Variants in GMDS observed in about 807,000 individuals in gnomAD.
The protein encoded by GMDS is GDP-mannose 4,6 dehydratase.
Under a neutral mutation model 49.9 loss-of-function variants are expected in GMDS, and 20 were observed. The observed-to-expected ratio is 0.40, with a 90% CI of 0.28 to 0.58. The LOEUF (loss-of-function observed/expected upper bound fraction) is 0.58, where lower values mean the gene tolerates loss of function less well. Among genes scored for constraint, GMDS ranks in the 20% least tolerant of loss-of-function variants. The pLI, the probability that GMDS is intolerant of heterozygous loss-of-function variation, is 0.42. For missense variants in GMDS, 362 were observed against 481.4 expected, an observed-to-expected ratio of 0.75 and a Z score of 2.32; for synonymous variants, 177 against 178.6, an observed-to-expected ratio of 0.99 and a Z score of 0.07.
intron 9 of GMDS, among the ~76,000 whole-genome samples, chr6:1,637,817 TCCTTCAG>T (rs1763211518): frequency 6.6e-6 from 1 of 152,208 alleles, no homozygotes; most frequent in Non-Finnish European, 1.5e-5. Flanking sequence ...ATGCCCCCTG[TCCTTCAG>T]CCTTCTAACA....
At chr6:1,970,077 A>G (rs1764514708) in intron 4 of GMDS, among the ~76,000 whole-genome samples, 1 of 152,240 alleles carries the variant, frequency 6.6e-6, no homozygotes, top group Non-Finnish European at 1.5e-5. Context: ...AATCTCAATG[A>G]ATGAGCCAAA....
intron 7 of GMDS, among the ~76,000 whole-genome samples, chr6:1,746,728 A>T (rs545396048): frequency 6.6e-6 from 1 of 151,892 alleles, no homozygotes; most frequent in Non-Finnish European, 1.5e-5. Flanking sequence ...TTGAGACAGA[A>T]TCTTGCTCTG....
At chr6:1,905,274 G>T (rs1261573806) in intron 7 of GMDS, among the ~76,000 whole-genome samples, 1 of 152,282 alleles carries the variant, frequency 6.6e-6, no homozygotes, top group Non-Finnish European at 1.5e-5. Context: ...GGCCTCAAAG[G>T]TGCCTGTGCA....
At chr6:2,054,252 T>C (rs941393054) in intron 4 of GMDS, among the ~76,000 whole-genome samples, 2 of 152,048 alleles carry the variant, frequency 1.3e-5, no homozygotes, top group African/African-American at 4.8e-5. Flanking sequence ...CCAGAAGAAA[T>C]TTTAAAAGAC....
intron 4 of GMDS, among the ~76,000 whole-genome samples, chr6:1,993,051 C>T (rs567896989): frequency 8.5e-4 from 129 of 152,296 alleles, no homozygotes; most frequent in African/African-American, 3.0e-3. Context: ...AGTAGATCGT[C>T]CAGCTGCTTT....
chr6:1,704,680 G>A (rs879723919), intron 9 of GMDS, among the ~76,000 whole-genome samples: 3 of 152,234 alleles, frequency 2.0e-5, no homozygotes, highest in Non-Finnish European at 4.4e-5. Flanking sequence ...TACGTACGCG[G>A]TAAGTGCTCA....
intron 7 of GMDS, among the ~76,000 whole-genome samples, chr6:1,850,950 C>T (rs1366564150): frequency 6.6e-6 from 1 of 152,216 alleles, no homozygotes; most frequent in Non-Finnish European, 1.5e-5. Context: ...TAGGTATAAC[C>T]ACCACCATGC....
At position 1,836,971 on chromosome 6, in the gene GMDS, A is replaced by T. The variant is rs1360083418; in HGVS notation, c.771+93132T>A. 6.6e-6 allele frequency among the ~76,000 whole-genome samples: 1 copy of T among 152,238 alleles called. No homozygotes were observed. The highest frequency in any genetic ancestry group is 1.5e-5 in the Non-Finnish European group (1 of 68,030). Reference sequence around the variant, plus strand: ...TTTACAATAGAGAAAGTTTGGGAAAAGGCTAAAAATTCATATACAGGAAGT... The same window carrying T: ...TTTACAATAGAGAAAGTTTGGGAAATGGCTAAAAATTCATATACAGGAAGT... On this transcript the variant is annotated intron_variant, in intron 7 of 10. Coordinates refer to ENST00000380815, the MANE Select transcript of GMDS (RefSeq NM_001500.4). The surrounding 1 kb of genome is among the most constrained non-coding windows in gnomAD (Gnocchi z 4.2).
At chr6:1,863,609 G>T (rs975083404) in intron 7 of GMDS, among the ~76,000 whole-genome samples, 1 of 152,080 alleles carries the variant, frequency 6.6e-6, no homozygotes, top group African/African-American at 2.4e-5. Flanking sequence ...TAAAAATTCT[G>T]ACACGTCCCA....
intron 4 of GMDS, among the ~76,000 whole-genome samples, chr6:2,058,934 G>C (rs114178766): frequency 1.3e-5 from 2 of 152,044 alleles, no homozygotes; most frequent in Admixed American, 6.6e-5. Context: ...CCAACAATTT[G>C]GGGGGCCAAG....
intron 9 of GMDS, among the ~76,000 whole-genome samples, chr6:1,721,219 T>C (rs535224473): frequency 6.6e-6 from 1 of 152,234 alleles, no homozygotes; most frequent in South Asian, 2.1e-4. Flanking sequence ...GACAAGCATA[T>C]GGTAATTTGA....
At chr6:1,763,946 T>C (rs965852563) in intron 7 of GMDS, among the ~76,000 whole-genome samples, 2 of 152,178 alleles carry the variant, frequency 1.3e-5, no homozygotes, top group Non-Finnish European at 2.9e-5. Context: ...CCACTGGAGC[T>C]GAGGCACCCC....
intron 2 of GMDS, among the ~76,000 whole-genome samples, chr6:2,123,514 T>C (rs1775255200): frequency 6.6e-6 from 1 of 152,212 alleles, no homozygotes; most frequent in Non-Finnish European, 1.5e-5. Flanking sequence ...AAACACAGTA[T>C]GGGCATCTCT....
intron 4 of GMDS, among the ~76,000 whole-genome samples, chr6:2,053,213 T>C (rs1462645144): frequency 6.6e-6 from 1 of 152,182 alleles, no homozygotes; most frequent in Admixed American, 6.5e-5. Flanking sequence ...AAATAGGCCT[T>C]ATATAAAATG....
intron 9 of GMDS, among the ~76,000 whole-genome samples, chr6:1,631,672 C>T (rs1763006951): frequency 6.6e-6 from 1 of 152,068 alleles, no homozygotes. Context: ...CCCCTTCCTC[C>T]TTCTCCCCAA....
Position 2,117,581 on chromosome 6 carries a change from T to C in GMDS, c.148-25A>G, listed in dbSNP as rs751924615. The C allele has an allele frequency of 1.2e-5, 15 of 1,259,238 alleles. No individual in the cohort carries two copies. The South Asian group carries it at 1.4e-4, about 12-fold the overall frequency. 78.0% of individuals were successfully genotyped at this position (1,259,238 alleles called of 1,614,324 possible). A position where few individuals can be genotyped will look rare whatever the true frequency, so the allele number is the denominator to read the frequency against. ...CCTGAGTTTTTACAGTGTGGAAAGA[T>C]AAATGTGCAATGAGGACTAATAAAC... On this transcript the variant is annotated intron_variant, in intron 2 of 10. Transcript: ENST00000380815.
intron 7 of GMDS, among the ~76,000 whole-genome samples, chr6:1,849,162 C>A (rs779508675): frequency 1.3e-5 from 2 of 152,164 alleles, no homozygotes; most frequent in African/African-American, 4.8e-5. Context: ...GTGATTTAGT[C>A]ACTTGTTGAT....
intron 1 of GMDS, among the ~76,000 whole-genome samples, chr6:2,211,307 T>TG (rs1780051324): frequency 1.3e-5 from 2 of 152,216 alleles, no homozygotes; most frequent in Non-Finnish European, 2.9e-5. Flanking sequence ...TCTGGGGCCA[T>TG]GTCTACCACG....
rs561736631 is a variant in GMDS, at chr6:2,090,783, T to C, written c.345+24988A>G. 6.7e-4 allele frequency among the ~76,000 whole-genome samples: 102 copies of C among 152,342 alleles called. 3 individuals are homozygous for C. The South Asian group carries it at 0.019, about 29-fold the overall frequency. On this transcript the variant is annotated intron_variant, in intron 4 of 10. Coordinates refer to ENST00000380815, the MANE Select transcript of GMDS (RefSeq NM_001500.4). The stretch of plus-strand genomic sequence containing the variant: ...GAAGTGGAATATATGCTTTAGAGTA[T>C]TGAAGAAGGATTTAGCTGAAGTTTC...
Sources: gnomAD v4.1 joint callset for allele counts (sites outside exome capture counted in the v4.1 genomes callset) on GRCh38, gnomAD v4.1.1 for gene constraint, Gnocchi (gnomAD v3.1) non-coding constraint, MANE v1.5 for transcripts, NCBI Gene and HGNC (gene_info 2026-07-23, HGNC 2026-07-21) for gene names.